Variants in OTX1 observed in about 807,000 individuals in gnomAD.
The protein encoded by OTX1 is homeobox protein OTX1.
Under a neutral mutation model 26.7 loss-of-function variants are expected in OTX1, and 7 were observed. The ratio of observed to expected loss-of-function variants is 0.26; its 90% confidence interval spans 0.15 to 0.49. OTX1 has a LOEUF of 0.49. Among genes scored for constraint, OTX1 ranks in the 20% least tolerant of loss-of-function variants. The probability of loss-of-function intolerance (pLI) is 0.98; values close to 1 mark genes in which losing one functional copy is unlikely to be tolerated. For synonymous variants in OTX1, 216 were observed against 212.8 expected (o/e 1.01, Z -0.13); for missense variants, 414 against 483.8 (o/e 0.86, Z 1.35).
In OTX1 at chr2:63,056,054, C is replaced by T. The variant is rs761211649; in HGVS notation, c.803C>T (p.Ala268Val). ...HHHPHQLSPMAPSSMAGHHHH... is the reference protein window; with the variant it reads ...HHHPHQLSPMVPSSMAGHHHH... Reference sequence around the variant, plus strand: ...CACCCGCACCAGCTCAGCCCCATGGCACCCTCCTCCATGGCGGGCCACCAT... The same window carrying T: ...CACCCGCACCAGCTCAGCCCCATGGTACCCTCCTCCATGGCGGGCCACCAT... Residue 268 changes from alanine (A) to valine (V), a missense_variant, in exon 5 of 5, where the codon GCA (alanine) becomes GTA (valine). Ala to Val is a moderately conservative substitution (Grantham distance 64). Coordinates refer to ENST00000282549, the MANE Select transcript of OTX1 (RefSeq NM_014562.4). 10 of 1,613,326 alleles carry T rather than the reference C, an allele frequency of 6.2e-6. No individual in the cohort carries two copies. Among genetic ancestry groups the T allele is most frequent in the Admixed American group, 5.0e-5 (3 of 59,926 alleles).
At position 63,055,770 on chromosome 2, in the gene OTX1, C is replaced by G. The variant is rs1230567796; in HGVS notation, c.519C>G (p.Ala173=). The part of the protein sequence containing the change: ...AAASSLSTPA[A]SSIWSPASIS... ...CGTCGTCGCTGAGTACACCAGCTGC[C>G]TCATCTATCTGGAGCCCGGCCTCCA... is the stretch of plus-strand genomic sequence containing the variant. Residue 173 remains alanine (A), a synonymous_variant, in exon 5 of 5, where the codon GCC becomes GCG. Transcript: ENST00000282549. The surrounding 1 kb of genome is among the most constrained non-coding windows in gnomAD (Gnocchi z 5.2). 6.2e-7 allele frequency: 1 copy of G among 1,612,592 alleles called. No individual in the cohort carries two copies.
At chr2:63,053,958 A>T in intron 3 of OTX1, 89 bp from the exon 4 acceptor site, 1 of 1,462,094 alleles carries the variant, frequency 6.8e-7, no homozygotes, top group South Asian at 1.3e-5. Flanking sequence ...GAAGGCCGAG[A>T]TCTGGGCCTG....
At position 63,057,115 on chromosome 2, in the gene OTX1, T is replaced by A. The variant is rs2062074194; in HGVS notation, c.*799T>A. ...GTCTTAGCACCCAGGAAACAGAACTTTAAGATATATACAGCACATATATAT... is the reference window on the plus strand; with the variant it reads ...GTCTTAGCACCCAGGAAACAGAACTATAAGATATATACAGCACATATATAT... On this transcript the variant is annotated 3_prime_UTR_variant, in exon 5 of 5. Transcript: ENST00000282549. The A allele has an allele frequency of 6.6e-6, 1 of 151,634 alleles. No homozygotes were observed. Among genetic ancestry groups the A allele is most frequent in the Non-Finnish European group, 1.5e-5 (1 of 67,948 alleles). 9.4% of individuals were successfully genotyped at this position (151,634 alleles called of 1,614,324 possible). A position where few individuals can be genotyped will look rare whatever the true frequency, so the allele number is the denominator to read the frequency against.
At chr2:63,053,907 C>T (rs572561087) in intron 3 of OTX1, 140 bp from the exon 4 acceptor site, 6 of 994,680 alleles carry the variant, frequency 6.0e-6, no homozygotes, top group Non-Finnish European at 8.6e-6. Context: ...GCTCGGCCGC[C>T]CGAGGGAGTT....
At chr2:63,053,521 C>A in intron 3 of OTX1, 1 of 180,270 alleles carries the variant, frequency 5.5e-6, no homozygotes, top group Non-Finnish European at 1.1e-5. Context: ...TATTCTTCCT[C>A]CCTAATTAAA....
chr2:63,056,355 C>A lies in OTX1; in HGVS notation c.*39C>A. The A allele has an allele frequency of 1.3e-6, 2 of 1,540,336 alleles. No individual in the cohort carries two copies. Among genetic ancestry groups the A allele is most frequent in the Non-Finnish European group, 1.8e-6 (2 of 1,126,016 alleles). On this transcript the variant is annotated 3_prime_UTR_variant, in exon 5 of 5. Coordinates refer to ENST00000282549, the MANE Select transcript of OTX1 (RefSeq NM_014562.4). ...AGAGGAGAAGAAACGCAACTACCTG[C>A]GCCCTCCGTGGTCCCGATCCTGTTG...
intron 4 of OTX1, 39 bp downstream of exon 4, chr2:63,054,237 C>G: frequency 6.5e-7 from 1 of 1,529,936 alleles, no homozygotes; most frequent in Non-Finnish European, 8.8e-7. Flanking sequence ...GGTAGGGGAG[C>G]TGAGGCTGCT....
rs2062047105 is a variant in OTX1 at position 63,054,142 on chromosome 2, A to G, written c.193A>G (p.Ile65Val). ...CTTCGCCAAGACTCGCTACCCTGAC[A>G]TCTTCATGCGGGAGGAGGTGGCGCT... ...ALFAKTRYPD[I>V]FMREEVALKI... is the part of the protein sequence containing the mutation. Residue 65 changes from isoleucine to valine, a missense_variant, in exon 4 of 5, where the codon ATC becomes GTC. Physicochemically the swap from Ile to Val is conservative, Grantham distance 29. This residue lies in a region of OTX1 where 46 missense variants were observed against 94.3 expected (regional missense o/e 0.49). Transcript: ENST00000282549. The G allele has an allele frequency of 6.2e-7, 1 of 1,612,276 alleles. No homozygotes were observed. The highest frequency in any genetic ancestry group is 1.3e-5 in the African/African-American group (1 of 74,990).
rs1416125466 is a variant in OTX1, at chr2:63,053,041, G to A, written c.51G>A (p.Leu17=). 6.2e-7 allele frequency: 1 copy of A among 1,605,904 alleles called. No individual in the cohort carries two copies. The highest frequency in any genetic ancestry group is 8.5e-7 in the Non-Finnish European group (1 of 1,176,902). The change falls in exon 3 of 5, where the codon CTG becomes CTA. Residue 17 remains leucine, a synonymous_variant. Transcript: ENST00000282549. ...QPPYGMNGLG[L]AGPAMDLLHP... ...CATACGGCATGAACGGGCTGGGCCT[G>A]GCCGGGCCCGCCATGGACCTCCTGC...
intron 3 of OTX1, 36 bp downstream of exon 3, chr2:63,053,123 T>A (rs368363172): frequency 2.7e-4 from 387 of 1,410,392 alleles, no homozygotes; most frequent in Non-Finnish European, 3.6e-4. Flanking sequence ...CCTCAGCCTC[T>A]CAAATGTTGG....
At chr2:63,052,544 A>T (rs1345903012) in intron 2 of OTX1, among the ~76,000 whole-genome samples, 1 of 152,184 alleles carries the variant, frequency 6.6e-6, no homozygotes, top group African/African-American at 2.4e-5. Context: ...GTGCAACATG[A>T]AGCTGGCTTC....
rs890869068 is a variant in OTX1, at chr2:63,057,352, G to C, written c.*1036G>C. The C allele has an allele frequency of 6.6e-6, 1 of 152,268 alleles. No homozygotes were observed. The highest frequency in any genetic ancestry group is 2.4e-5 in the African/African-American group (1 of 41,424). 9.4% of individuals were successfully genotyped at this position (152,268 alleles called of 1,614,324 possible). ...AAGCTGGGCGCGGGATATCCGAAGT[G>C]TGGAGGAAACAGACAAGTCAGGGTA... On this transcript the variant is annotated 3_prime_UTR_variant, in exon 5 of 5. Coordinates refer to ENST00000282549, the MANE Select transcript of OTX1 (RefSeq NM_014562.4).
At position 63,056,607 on chromosome 2, in the gene OTX1, C is replaced by A. The variant is rs1451290403; in HGVS notation, c.*291C>A. The A allele has an allele frequency of 4.4e-6, 2 of 459,282 alleles. No homozygotes were observed. The highest frequency in any genetic ancestry group is 7.9e-6 in the Non-Finnish European group (2 of 254,104). The allele number at this position is 459,282 out of a possible 1,614,324, so 28.5% of individuals were successfully genotyped here. On this transcript the variant is annotated 3_prime_UTR_variant, in exon 5 of 5. Coordinates refer to ENST00000282549, the MANE Select transcript of OTX1 (RefSeq NM_014562.4). ...TCCCCCCTTCAGCCCCTACTAAACT[C>A]TTAAGCCTCCCCTTCCAGTCTTTCT...
rs1227872137 is a variant in OTX1 at position 63,055,938 on chromosome 2, C to T, written c.687C>T (p.Gly229=). The T allele has an allele frequency of 6.2e-7, 1 of 1,612,866 alleles. No individual in the cohort carries two copies. The highest frequency in any genetic ancestry group is 8.5e-7 in the Non-Finnish European group (1 of 1,180,030). ...ASYPMSYGQG[G]SYGQGYPTPS... ...ATCCCATGTCCTACGGCCAGGGCGG[C>T]AGCTACGGCCAAGGCTACCCTACGC... Residue 229 remains glycine (G), a synonymous_variant, in exon 5 of 5, where the codon GGC becomes GGT. Coordinates refer to ENST00000282549, the MANE Select transcript of OTX1 (RefSeq NM_014562.4). This position sits in a 1 kb window ranked among gnomAD's most constrained non-coding sequence, Gnocchi z 5.2.
chr2:63,055,559 C>T lies in OTX1; in HGVS notation c.308C>T (p.Thr103Ile), dbSNP rs771122628. 24 of 1,614,060 alleles carry T rather than the reference C, an allele frequency of 1.5e-5. No homozygotes were observed. The highest frequency in any genetic ancestry group is 2.7e-5 in the African/African-American group (2 of 74,930). Reference sequence around the variant, plus strand: ...CAGCAGCAGCAGAGCGGGAGCGGAACCAAGAGCCGCCCAGCCAAGAAGAAG... The same window carrying T: ...CAGCAGCAGCAGAGCGGGAGCGGAATCAAGAGCCGCCCAGCCAAGAAGAAG... ...CRQQQQSGSGTKSRPAKKKSS... is the reference protein window; with the variant it reads ...CRQQQQSGSGIKSRPAKKKSS... Residue 103 changes from threonine to isoleucine, a missense_variant, in exon 5 of 5, where the codon ACC (threonine) becomes ATC (isoleucine). Thr to Ile is a moderately conservative substitution (Grantham distance 89). Transcript: ENST00000282549. This position sits in a 1 kb window ranked among gnomAD's most constrained non-coding sequence, Gnocchi z 5.2.
At chr2:63,051,811 T>C (rs1006863464) in intron 2 of OTX1, 1 of 152,608 alleles carries the variant, frequency 6.6e-6, no homozygotes, top group African/African-American at 2.4e-5. Context: ...GGTGTAGCGA[T>C]GGCCCCCCAG....
Position 63,055,432 on chromosome 2 carries a change from G to A in OTX1, c.250-69G>A, listed in dbSNP as rs2162011. ...ATATTCTGGACCGGGAGTTGGGTCC[G>A]CGGGGCGGTGGAGCAACAAGCTCCC... On this transcript the variant is annotated intron_variant, in intron 4 of 4. Transcript: ENST00000282549. The surrounding 1 kb of genome is among the most constrained non-coding windows in gnomAD (Gnocchi z 5.2). 574,398 of 1,490,412 alleles carry A rather than the reference G, an allele frequency of 0.39. 114,530 individuals carry two copies. The highest frequency in any genetic ancestry group is 0.66 in the Middle Eastern group (2,754 of 4,166). The allele number at this position is 1,490,412 out of a possible 1,614,324, so 92.3% of individuals were successfully genotyped here. A position where few individuals can be genotyped will look rare whatever the true frequency, so the allele number is the denominator to read the frequency against.
chr2:63,053,048 C>A lies in OTX1; in HGVS notation c.58C>A (p.Pro20Thr), dbSNP rs1014506330. 1.9e-6 allele frequency: 3 copies of A among 1,604,210 alleles called. No individual in the cohort carries two copies. The highest frequency in any genetic ancestry group is 2.6e-6 in the Non-Finnish European group (3 of 1,176,324). Residue 20 changes from proline to threonine, a missense_variant, in exon 3 of 5, where the codon CCC becomes ACC. Coordinates refer to ENST00000282549, the MANE Select transcript of OTX1 (RefSeq NM_014562.4). ...CATGAACGGGCTGGGCCTGGCCGGG[C>A]CCGCCATGGACCTCCTGCACCCATC... ...YGMNGLGLAG[P>T]AMDLLHPSVG...
At chr2:63,051,745 C>T (rs944291699) in intron 2 of OTX1, 7 of 152,480 alleles carry the variant, frequency 4.6e-5, no homozygotes, top group Non-Finnish European at 1.0e-4. Flanking sequence ...TAACTTCTCT[C>T]CTTGAACGTC....
Sources: gnomAD v4.1 joint callset for allele counts (sites outside exome capture counted in the v4.1 genomes callset) on GRCh38, gnomAD v4.1.1 for gene constraint, gnomAD v4.1.1 regional missense constraint, Gnocchi (gnomAD v3.1) non-coding constraint, MANE v1.5 for transcripts, NCBI Gene and HGNC (gene_info 2026-07-23, HGNC 2026-07-21) for gene names.